ACSF2: variants seen among roughly 807,000 people sequenced by gnomAD.
ACSF2 encodes the protein acyl-CoA synthetase family member 2.
In ACSF2, 52 loss-of-function variants were observed where a neutral mutation model predicts 79.3. That is an observed-to-expected ratio of 0.66 (90% CI 0.53 to 0.83). The LOEUF (loss-of-function observed/expected upper bound fraction) is 0.83. ACSF2 is among the 40% of genes least tolerant of loss of function. ACSF2 has a pLI of 0.00. For synonymous variants in ACSF2, 283 were observed against 312.6 expected, an observed-to-expected ratio of 0.91 and a Z score of 1.00; for missense variants, 661 against 803.3, an observed-to-expected ratio of 0.82 and a Z score of 2.14.
In ACSF2 at chr17:50,460,851, C is replaced by A. The variant is rs1312459764; in HGVS notation, c.303C>A (p.Thr101=). Residue 101 remains threonine (T), a synonymous_variant, in exon 2 of 16, where the codon ACC becomes ACA. Transcript: ENST00000300441. ...LVVLHEDVRL[T]FAQLKEEVDK... is the part of the protein sequence containing the mutation. Reference sequence around the variant, plus strand: ...TCCTCCATGAAGACGTCAGGTTGACCTTTGCCCAACTCAAGGAGGAGGTGG... The same window carrying A: ...TCCTCCATGAAGACGTCAGGTTGACATTTGCCCAACTCAAGGAGGAGGTGG... The A allele has an allele frequency of 1.2e-6, 2 of 1,610,034 alleles. No individual in the cohort carries two copies. The highest frequency in any genetic ancestry group is 3.4e-5 in the Admixed American group (2 of 59,634).
intron 1 of ACSF2, among the ~76,000 whole-genome samples, chr17:50,456,712 C>T (rs570322596): frequency 8.6e-5 from 13 of 150,292 alleles, no homozygotes; most frequent in African/African-American, 2.0e-4. Context: ...AGCCTGACAA[C>T]GAGAGCGAAA....
intron 1 of ACSF2, among the ~76,000 whole-genome samples, chr17:50,428,140 C>T (rs6504656): frequency 0.64 from 97,260 of 151,676 alleles, 32,256 homozygotes; most frequent in African/African-American, 0.79. Flanking sequence ...ATTGAGCCGT[C>T]ATCATGCCAC....
At chr17:50,472,834 A>C (rs2033182911) in intron 12 of ACSF2, 7 of 384,862 alleles carry the variant, frequency 1.8e-5, no homozygotes, top group Middle Eastern at 6.7e-4. Flanking sequence ...TTGTTAGCTC[A>C]GCAAATTCTT....
At chr17:50,435,017 T>G (rs1219668335) in intron 1 of ACSF2, among the ~76,000 whole-genome samples, 1 of 151,988 alleles carries the variant, frequency 6.6e-6, no homozygotes, top group Non-Finnish European at 1.5e-5. Context: ...ATTACCCGCA[T>G]GTGCCACCAC....
At chr17:50,426,699 G>GAGGGGCA (rs1328807779) in intron 1 of ACSF2, among the ~76,000 whole-genome samples, 1 of 152,226 alleles carries the variant, frequency 6.6e-6, no homozygotes, top group Non-Finnish European at 1.5e-5. Context: ...TTCCGATGGG[G>GAGGGGCA]AGGGGCAAGG....
intron 10 of ACSF2, chr17:50,465,034 C>T (rs1405160410): frequency 6.1e-6 from 3 of 494,516 alleles, no homozygotes; most frequent in South Asian, 2.2e-5. Context: ...GTCACCAGGA[C>T]TGGCTGGGTC....
Position 50,454,472 on chromosome 17 carries a change from G to A in ACSF2, c.129-6205G>A, listed in dbSNP as rs374125705. 5.9e-5 allele frequency among the ~76,000 whole-genome samples: 9 copies of A among 152,230 alleles called. No individual in the cohort carries two copies. The South Asian group carries it at 1.9e-3, about 32-fold the overall frequency. ...GTGTGGTAGCTCCTGCTGTCCAGGC[G>A]TCAGGCTCCTCTCTTGTTGCTCTGT... On this transcript the variant is annotated intron_variant, in intron 1 of 15. Coordinates refer to ENST00000300441, the MANE Select transcript of ACSF2 (RefSeq NM_025149.6).
intron 1 of ACSF2, among the ~76,000 whole-genome samples, chr17:50,453,902 C>A (rs2031830532): frequency 6.6e-6 from 1 of 151,538 alleles, no homozygotes; most frequent in Non-Finnish European, 1.5e-5. Flanking sequence ...GCCTCAGCGT[C>A]CCAAGTAGCT....
At position 50,469,093 on chromosome 17, in the gene ACSF2, T is replaced by TGAGCCCC; in HGVS notation, c.1216-1933_1216-1927dup. ...ACCGTGGCCCCCGAGCCCCGAGCCC[T>TGAGCCCC]GAGCCCCGGCTGTAGCCCCCCGCTC... On this transcript the variant is annotated intron_variant, in intron 10 of 15. Coordinates refer to ENST00000300441, the MANE Select transcript of ACSF2 (RefSeq NM_025149.6). 5.8e-6 allele frequency: 7 copies of TGAGCCCC among 1,198,644 alleles called. No individual in the cohort carries two copies. The South Asian group carries it at 1.7e-4, about 29-fold the overall frequency. 74.3% of individuals were successfully genotyped at this position (1,198,644 alleles called of 1,614,324 possible). A position where few individuals can be genotyped will look rare whatever the true frequency, so the allele number is the denominator to read the frequency against.
chr17:50,427,618 C>G (rs1915119477), intron 1 of ACSF2, among the ~76,000 whole-genome samples: 1 of 152,122 alleles, frequency 6.6e-6, no homozygotes, highest in Admixed American at 6.5e-5. Context: ...GCTGGGAGGA[C>G]TCTGAGGAAA....
At chr17:50,465,941 G>A in intron 10 of ACSF2, 1 of 1,566,830 alleles carries the variant, frequency 6.4e-7, no homozygotes, top group Non-Finnish European at 8.7e-7. Context: ...CCGAGTGCCA[G>A]AGGGGCAGGA....
intron 1 of ACSF2, among the ~76,000 whole-genome samples, chr17:50,440,375 C>T (rs551182891): frequency 6.6e-6 from 1 of 152,274 alleles, no homozygotes; most frequent in South Asian, 2.1e-4. Flanking sequence ...GGCATTTCCA[C>T]CCCCCGACAG....
rs2030458257 is a variant in ACSF2 at position 50,436,709 on chromosome 17, C to G, written c.128+10320C>G. Reference sequence around the variant, plus strand: ...TCGGCCTCCCAAAGTGCTGGGATTACAGGTGTGAGCCACCATGCCCAGGCA... The same window carrying G: ...TCGGCCTCCCAAAGTGCTGGGATTAGAGGTGTGAGCCACCATGCCCAGGCA... On this transcript the variant is annotated intron_variant, in intron 1 of 15. Transcript: ENST00000300441. Among the ~76,000 whole-genome samples, 3 of 150,460 alleles carry G rather than the reference C, an allele frequency of 2.0e-5. No homozygotes were observed. The South Asian group carries it at 6.3e-4, about 31-fold the overall frequency.
At chr17:50,468,817 T>G (rs202128383) in intron 10 of ACSF2, 1 of 1,516,220 alleles carries the variant, frequency 6.6e-7, no homozygotes, top group South Asian at 1.2e-5. Context: ...GGACCATGGC[T>G]GGGACGCCTG....
chr17:50,472,951 C>T (rs769821745), intron 12 of ACSF2: 8 of 167,572 alleles, frequency 4.8e-5, no homozygotes, highest in South Asian at 1.8e-4. Context: ...TGCCCAACAT[C>T]GATAAATAAC....
At chr17:50,431,455 C>G (rs2029918673) in intron 1 of ACSF2, among the ~76,000 whole-genome samples, 1 of 152,128 alleles carries the variant, frequency 6.6e-6, no homozygotes, top group Non-Finnish European at 1.5e-5. Context: ...TCCCAAAGAG[C>G]CTGGGGTTAG....
chr17:50,438,262 C>T (rs1055567553), intron 1 of ACSF2, among the ~76,000 whole-genome samples: 2 of 152,218 alleles, frequency 1.3e-5, no homozygotes, highest in Non-Finnish European at 2.9e-5. Context: ...GTGGATTCAA[C>T]ATAGTACTTA....
rs368834680 is a variant in ACSF2 at position 50,466,547 on chromosome 17, CAG to C, written c.1215+2256_1215+2257del. On this transcript the variant is annotated intron_variant, in intron 10 of 15. Transcript: ENST00000300441. ...ACAAACACTGGGACTGTGGGGCTGC[CAG>C]AGTTTGGCCCCAGCAATCCAAACTG... Among the ~76,000 whole-genome samples, 708 of 152,314 alleles carry C rather than the reference CAG, an allele frequency of 4.6e-3. 4 individuals carry two copies. The highest frequency in any genetic ancestry group is 0.017 in the African/African-American group (693 of 41,572).
In ACSF2 at chr17:50,472,536, A is replaced by T. The variant is rs1381685865; in HGVS notation, c.1432A>T (p.Lys478Ter). The T allele has an allele frequency of 5.0e-6, 8 of 1,611,892 alleles. No homozygotes were observed. The highest frequency in any genetic ancestry group is 1.3e-5 in the African/African-American group (1 of 74,934). The part of the protein sequence containing the change: ...VMLGYWGEPQ[K>*]TEEAVDQDKW... ...GCTGGGCTACTGGGGTGAGCCTCAGAAGACAGAGGAAGCAGTGGATCAGGA... is the reference window on the plus strand; with the variant it reads ...GCTGGGCTACTGGGGTGAGCCTCAGTAGACAGAGGAAGCAGTGGATCAGGA... The change falls in exon 12 of 16, where the codon AAG (lysine) becomes TAG (stop). Residue 478 changes from lysine (K) to a stop codon, truncating the protein, a stop_gained. Transcript: ENST00000300441. LOFTEE classifies it high-confidence loss of function.
Sources: gnomAD v4.1 joint callset for allele counts (sites outside exome capture counted in the v4.1 genomes callset) on GRCh38, gnomAD v4.1.1 for gene constraint, MANE v1.5 for transcripts, NCBI Gene and HGNC (gene_info 2026-07-23, HGNC 2026-07-21) for gene names.